The following MCHR2 variants were observed in gnomAD, a reference collection of about 807,000 sequenced individuals.
The protein encoded by MCHR2 is melanin concentrating hormone receptor 2, also known as melanin-concentrating hormone receptor 2.
In MCHR2, 15 loss-of-function variants were observed where a neutral mutation model predicts 24.8. The observed-to-expected ratio is 0.60, with a 90% CI of 0.40 to 0.93. The LOEUF is 0.93. Among genes scored for constraint, MCHR2 ranks in the 40% least tolerant of loss-of-function variants. The probability of loss-of-function intolerance (pLI) is 0.00; values close to 1 mark genes in which losing one functional copy is unlikely to be tolerated. For missense variants in MCHR2, 386 were observed against 408.7 expected (o/e 0.94, Z 0.48); for synonymous variants, 151 against 147.6 (o/e 1.02, Z -0.17).
intron 1 of MCHR2, among the ~76,000 whole-genome samples, chr6:99,968,287 C>A (rs1775331446): frequency 1.3e-5 from 2 of 152,098 alleles, no homozygotes; most frequent in South Asian, 4.1e-4. Context: ...AACATAGCAC[C>A]AGCTTTTAGT....
intron 1 of MCHR2, among the ~76,000 whole-genome samples, chr6:99,988,569 A>G (rs1352330655): frequency 6.6e-6 from 1 of 152,174 alleles, no homozygotes; most frequent in African/African-American, 2.4e-5. Flanking sequence ...GTCTAAAATA[A>G]TCTCAATTCA....
At chr6:99,970,331 T>C (rs1485868384) in intron 1 of MCHR2, among the ~76,000 whole-genome samples, 1 of 152,212 alleles carries the variant, frequency 6.6e-6, no homozygotes, top group African/African-American at 2.4e-5. Context: ...CATTTTTTCA[T>C]GTGTTTTTTG....
intron 5 of MCHR2, among the ~76,000 whole-genome samples, chr6:99,924,844 C>A (rs897579879): frequency 6.6e-6 from 1 of 151,948 alleles, no homozygotes; most frequent in Admixed American, 6.6e-5. Context: ...GAGAATGATC[C>A]ATGTGCTGAG....
chr6:99,984,294 T>C (rs1775729923), intron 1 of MCHR2, among the ~76,000 whole-genome samples: 2 of 151,692 alleles, frequency 1.3e-5, no homozygotes, highest in South Asian at 4.2e-4. Flanking sequence ...AGTTTTAGGG[T>C]ACATGTGCAC....
rs147348263 is a variant in MCHR2, at chr6:99,944,645, T to A, written c.393-1502A>T. ...TGGCTAACGAGGGAAGGGCCTCTTT[T>A]CTCCCTGCTGCGGAAGTGGATGATG... On this transcript the variant is annotated intron_variant, in intron 3 of 5. Transcript: ENST00000281806. Among the ~76,000 whole-genome samples the A allele has an allele frequency of 1.6e-3, 240 of 152,186 alleles. 1 individual carries two copies. The highest frequency in any genetic ancestry group is 5.6e-3 in the African/African-American group (232 of 41,524).
chr6:99,984,816 A>C (rs1052470064), intron 1 of MCHR2, among the ~76,000 whole-genome samples: 16 of 152,146 alleles, frequency 1.1e-4, no homozygotes, highest in African/African-American at 3.9e-4. Flanking sequence ...TAGAACTGAA[A>C]GTCCTAGCTG....
chr6:99,970,993 C>T (rs1349259722), intron 1 of MCHR2, among the ~76,000 whole-genome samples: 3 of 152,178 alleles, frequency 2.0e-5, no homozygotes, highest in Non-Finnish European at 4.4e-5. Flanking sequence ...AGTCAGGTAG[C>T]ATGATGCCTC....
chr6:99,958,758 T>C (rs1382797325), intron 1 of MCHR2, among the ~76,000 whole-genome samples: 1 of 152,174 alleles, frequency 6.6e-6, no homozygotes, highest in East Asian at 1.9e-4. Flanking sequence ...TGCCATAGTC[T>C]CTCTGGCACA....
chr6:99,978,050 C>T (rs1282606546), intron 1 of MCHR2, among the ~76,000 whole-genome samples: 1 of 151,992 alleles, frequency 6.6e-6, no homozygotes, highest in African/African-American at 2.4e-5. Context: ...ACAGGGATCC[C>T]AACATGATGT....
At chr6:99,973,446 C>A (rs975303207) in intron 1 of MCHR2, among the ~76,000 whole-genome samples, 6 of 152,082 alleles carry the variant, frequency 3.9e-5, no homozygotes, top group Admixed American at 6.5e-5. Context: ...TCATTTTGAG[C>A]CTATGTGTGT....
intron 1 of MCHR2, among the ~76,000 whole-genome samples, chr6:99,983,114 C>G (rs1365324330): frequency 6.9e-6 from 1 of 145,274 alleles, no homozygotes; most frequent in African/African-American, 2.5e-5. Context: ...GAGGGCACCA[C>G]CATGCCCAGC....
intron 5 of MCHR2, among the ~76,000 whole-genome samples, chr6:99,923,956 T>G (rs1368855113): frequency 6.6e-6 from 1 of 152,136 alleles, no homozygotes; most frequent in African/African-American, 2.4e-5. Flanking sequence ...TTCCCTGCTC[T>G]TCCACATTTC....
intron 3 of MCHR2, among the ~76,000 whole-genome samples, chr6:99,943,884 A>G (rs1562122964): frequency 6.6e-6 from 1 of 152,188 alleles, no homozygotes; most frequent in Non-Finnish European, 1.5e-5. Context: ...GGAGGAAATA[A>G]CCCTTTTCCC....
chr6:99,933,726 T>A (rs1248080469), intron 5 of MCHR2, among the ~76,000 whole-genome samples: 1 of 152,100 alleles, frequency 6.6e-6, no homozygotes, highest in Non-Finnish European at 1.5e-5. Context: ...CACAAAAATA[T>A]ATTTAAAATA....
intron 1 of MCHR2, among the ~76,000 whole-genome samples, chr6:99,973,058 T>C (rs1375991183): frequency 2.6e-5 from 4 of 151,822 alleles, no homozygotes; most frequent in African/African-American, 9.7e-5. Flanking sequence ...GGGTGGAGAG[T>C]TCTGTAGATG....
intron 5 of MCHR2, among the ~76,000 whole-genome samples, chr6:99,922,068 T>C (rs1250964552): frequency 6.6e-6 from 1 of 152,018 alleles, no homozygotes; most frequent in Non-Finnish European, 1.5e-5. Flanking sequence ...GCAATTTATA[T>C]AGCCAAGCTT....
intron 1 of MCHR2, among the ~76,000 whole-genome samples, chr6:99,975,541 C>A (rs1231841868): frequency 6.6e-6 from 1 of 152,244 alleles, no homozygotes; most frequent in Non-Finnish European, 1.5e-5. Flanking sequence ...CAATGCCTCG[C>A]CCTGCTTCAG....
chr6:99,934,439 G>A lies in MCHR2; in HGVS notation c.666C>T (p.Cys222=). The part of the protein sequence containing the change: ...LILVCYILIL[C]YTWEMYQQNK... ...TCTGTTGATACATCTCCCAAGTATA[G>A]CATAAAATTAAAATATAGCACACCA... Residue 222 remains cysteine, a synonymous_variant, in exon 5 of 6, where the codon TGC becomes TGT. Coordinates refer to ENST00000281806, the MANE Select transcript of MCHR2 (RefSeq NM_001040179.2). The A allele has an allele frequency of 1.2e-6, 2 of 1,603,350 alleles. No individual in the cohort carries two copies. The highest frequency in any genetic ancestry group is 1.7e-5 in the Admixed American group (1 of 58,120).
chr6:99,964,583 T>C (rs1775256997), intron 1 of MCHR2, among the ~76,000 whole-genome samples: 1 of 152,006 alleles, frequency 6.6e-6, no homozygotes, highest in Non-Finnish European at 1.5e-5. Flanking sequence ...TCAGACCTCA[T>C]GAGACTCACT....
Sources: allele counts gnomAD v4.1 joint callset (sites outside exome capture counted in the v4.1 genomes callset), GRCh38; gene constraint gnomAD v4.1.1; transcripts MANE v1.5; gene names NCBI Gene and HGNC (gene_info 2026-07-23, HGNC 2026-07-21).